TMEM14A: variants seen among roughly 807,000 people sequenced by gnomAD.
TMEM14A encodes the protein transmembrane protein 14A.
TMEM14A carries 8 observed loss-of-function variants against 11.6 expected under a neutral mutation model. The observed-to-expected ratio is 0.69, with a 90% CI of 0.40 to 1.24. The LOEUF is 1.24. Among genes scored for constraint, TMEM14A ranks in the 50% most tolerant of loss-of-function variants. The pLI is 0.01. For missense variants in TMEM14A, 108 were observed against 121.9 expected (o/e 0.89, Z 0.54); for synonymous variants, 34 against 45.5 (o/e 0.75, Z 1.02).
chr6:52,683,958 A>G, intron 3 of TMEM14A, 120 bp from the exon 4 acceptor site: 1 of 909,266 alleles, frequency 1.1e-6, no homozygotes, highest in Non-Finnish European at 1.7e-6. Flanking sequence ...AGACAATGGC[A>G]ACTCAGTACC....
At chr6:52,672,549 C>A (rs893862513) in intron 1 of TMEM14A, among the ~76,000 whole-genome samples, 1 of 152,034 alleles carries the variant, frequency 6.6e-6, no homozygotes, top group Non-Finnish European at 1.5e-5. Context: ...CTCTTCCCAC[C>A]GCCACACACC....
chr6:52,680,706 C>CATATATGTATAT (rs1397954310), intron 2 of TMEM14A, among the ~76,000 whole-genome samples: 12 of 24,478 alleles, frequency 4.9e-4, no homozygotes, highest in Admixed American at 8.8e-4. Context: ...TATATATATA[C>CATATATGTATAT]ACATATATAT....
At chr6:52,685,226 T>A (rs1769470781) in intron 4 of TMEM14A, among the ~76,000 whole-genome samples, 1 of 151,546 alleles carries the variant, frequency 6.6e-6, no homozygotes, top group Non-Finnish European at 1.5e-5. Flanking sequence ...GGAGGAGGAG[T>A]GTGATTACAA....
intron 3 of TMEM14A, among the ~76,000 whole-genome samples, chr6:52,683,767 A>T (rs1450600542): frequency 2.6e-5 from 4 of 152,016 alleles, no homozygotes; most frequent in Admixed American, 6.5e-5. Context: ...ATGTGCCACC[A>T]TGCCCTGCTA....
intron 4 of TMEM14A, 115 bp downstream of exon 4, chr6:52,684,280 A>C: frequency 1.1e-6 from 1 of 924,956 alleles, no homozygotes; most frequent in South Asian, 1.7e-5. Flanking sequence ...TATAATAAGC[A>C]TGACAGTAAA....
chr6:52,678,303 T>G (rs1034324015), intron 2 of TMEM14A, among the ~76,000 whole-genome samples: 10 of 147,818 alleles, frequency 6.8e-5, no homozygotes, highest in African/African-American at 2.3e-4. Flanking sequence ...GGGAGAGAGA[T>G]ATAGAGAGTG....
At chr6:52,677,315 A>G in intron 2 of TMEM14A, 143 bp downstream of exon 2, 1 of 886,238 alleles carries the variant, frequency 1.1e-6, no homozygotes, top group Non-Finnish European at 1.8e-6. Flanking sequence ...GAAGGGACTC[A>G]TGAAAGGAAG....
At chr6:52,680,585 T>TTTTATA (rs1387950814) in intron 2 of TMEM14A, among the ~76,000 whole-genome samples, 2 of 33,264 alleles carry the variant, frequency 6.0e-5, no homozygotes, top group Non-Finnish European at 1.6e-4. Flanking sequence ...CACTATATAT[T>TTTTATA]TATATATTTA....
In TMEM14A at chr6:52,671,718, C is replaced by T. The variant is rs560714978; in HGVS notation, c.-17+473C>T. On this transcript the variant is annotated intron_variant, in intron 1 of 4. Coordinates refer to ENST00000211314, the MANE Select transcript of TMEM14A (RefSeq NM_014051.4). ...TCTCCGAATTTTGGAGGATTTGGGG[C>T]GGGCAGCGAGGCTGTCCCCTGTCAC... Among the ~76,000 whole-genome samples the T allele has an allele frequency of 1.4e-3, 210 of 152,294 alleles. 2 individuals carry two copies. The highest frequency in any genetic ancestry group is 2.3e-3 in the Admixed American group (35 of 15,304).
intron 1 of TMEM14A, among the ~76,000 whole-genome samples, chr6:52,674,889 CTTTTTTT>C (rs35094326): frequency 5.7e-5 from 8 of 139,452 alleles, no homozygotes; most frequent in Non-Finnish European, 7.7e-5. Flanking sequence ...AATTCTTCTT[CTTTTTTT>C]TTTTTTTTTT....
At chr6:52,681,682 T>C (rs1357632088) in intron 2 of TMEM14A, 131 bp from the exon 3 acceptor site, 3 of 716,324 alleles carry the variant, frequency 4.2e-6, no homozygotes, top group Non-Finnish European at 7.1e-6. Context: ...TATTCTTAAT[T>C]TGGCTTTGTC....
In TMEM14A at chr6:52,684,012, G is replaced by A. The variant is rs151253924; in HGVS notation, c.173-66G>A. 3.4e-3 allele frequency: 4,927 copies of A among 1,438,676 alleles called. 14 individuals carry two copies. Among genetic ancestry groups the A allele is most frequent in the Non-Finnish European group, 4.0e-3 (4,080 of 1,032,284 alleles). The allele number at this position is 1,438,676 out of a possible 1,614,324, so 89.1% of individuals were successfully genotyped here. A position where few individuals can be genotyped will look rare whatever the true frequency, so the allele number is the denominator to read the frequency against. ...TGTTAGAAAGCTTTAAATGGTACCCGCTGTTTTCCCACAAGCATTGATAAC... is the reference window on the plus strand; with the variant it reads ...TGTTAGAAAGCTTTAAATGGTACCCACTGTTTTCCCACAAGCATTGATAAC... On this transcript the variant is annotated intron_variant, in intron 3 of 4. Coordinates refer to ENST00000211314, the MANE Select transcript of TMEM14A (RefSeq NM_014051.4).
At chr6:52,674,421 G>T (rs879609194) in intron 1 of TMEM14A, among the ~76,000 whole-genome samples, 5 of 152,128 alleles carry the variant, frequency 3.3e-5, no homozygotes, top group Non-Finnish European at 7.4e-5. Context: ...CTAAGTCAGA[G>T]ATCTTTGTTT....
In TMEM14A at chr6:52,686,084, TC is replaced by T; in HGVS notation, c.*37del. 1 of 1,599,988 alleles carries T rather than the reference TC, an allele frequency of 6.3e-7. No homozygotes were observed. Among genetic ancestry groups the T allele is most frequent in the South Asian group, 1.1e-5 (1 of 89,222 alleles). On this transcript the variant is annotated 3_prime_UTR_variant, in exon 5 of 5. Transcript: ENST00000211314. The stretch of plus-strand genomic sequence containing the variant: ...GGAACAGAAAACTAAGTTCATGTCA[TC>T]CTGCTGTAATGGGCAGAGCATATTT...
At chr6:52,677,861 GA>G (rs1381207201) in intron 2 of TMEM14A, among the ~76,000 whole-genome samples, 1 of 152,132 alleles carries the variant, frequency 6.6e-6, no homozygotes, top group Non-Finnish European at 1.5e-5. Context: ...GAATTTGAGT[GA>G]AAAAGCCAGG....
intron 2 of TMEM14A, among the ~76,000 whole-genome samples, chr6:52,681,581 C>T (rs1420319421): frequency 1.3e-5 from 2 of 152,222 alleles, no homozygotes; most frequent in Non-Finnish European, 2.9e-5. Flanking sequence ...CATCTAACCC[C>T]ACTGCACTGC....
At chr6:52,681,648 C>T (rs1270693865) in intron 2 of TMEM14A, among the ~76,000 whole-genome samples, 165 bp from the exon 3 acceptor site, 2 of 152,160 alleles carry the variant, frequency 1.3e-5, no homozygotes, top group Non-Finnish European at 2.9e-5. Context: ...CAGTCATCTC[C>T]TAGAAAGTAT....
At chr6:52,682,013 G>A (rs1769401022) in intron 3 of TMEM14A, 99 bp downstream of exon 3, 22 of 977,532 alleles carry the variant, frequency 2.3e-5, no homozygotes, top group Non-Finnish European at 4.6e-6. Flanking sequence ...TAGTCAAATG[G>A]CAAATGGCCA....
At chr6:52,673,621 C>T (rs1769202561) in intron 1 of TMEM14A, among the ~76,000 whole-genome samples, 1 of 152,072 alleles carries the variant, frequency 6.6e-6, no homozygotes, top group African/African-American at 2.4e-5. Flanking sequence ...GCTCCCAGTC[C>T]TTGCTGGGTG....
Sources: allele counts gnomAD v4.1 joint callset (sites outside exome capture counted in the v4.1 genomes callset), GRCh38; gene constraint gnomAD v4.1.1; transcripts MANE v1.5; gene names NCBI Gene and HGNC (gene_info 2026-07-23, HGNC 2026-07-21).